The following CNTNAP5 variants were observed in gnomAD, a reference collection of about 807,000 sequenced individuals.
CNTNAP5 encodes the protein contactin-associated protein-like 5.
A neutral mutation model predicts 150.2 loss-of-function variants in CNTNAP5; 72 were observed. The observed-to-expected ratio is 0.48, with a 90% CI of 0.40 to 0.58. CNTNAP5 has a LOEUF of 0.58. Ranked by LOEUF, CNTNAP5 falls within the 20% of genes least tolerant of loss-of-function variation. CNTNAP5 has a pLI of 0.00. For missense variants in CNTNAP5, 1,636 were observed against 1,626.2 expected (o/e 1.01, Z -0.10); for synonymous variants, 672 against 619.8 (o/e 1.08, Z -1.25).
chr2:124,722,244 A>G (rs142132772), intron 13 of CNTNAP5, among the ~76,000 whole-genome samples: 3 of 152,122 alleles, frequency 2.0e-5, no homozygotes, highest in African/African-American at 7.2e-5. Flanking sequence ...CAACAGCTCA[A>G]AAGTCTTAAC....
In CNTNAP5 at chr2:124,902,994, T is replaced by C; in HGVS notation, c.3549T>C (p.His1183=). 1.9e-6 allele frequency: 3 copies of C among 1,612,604 alleles called. No individual in the cohort carries two copies. Among genetic ancestry groups the C allele is most frequent in the East Asian group, 2.2e-5 (1 of 44,624 alleles). ...HIAPLKAALR[H]ATVAPVTVHG... ...CACCACTGAAGGCTGCCCTGCGCCATGCCACTGTCGCGCCTGTGACTGTCC... is the reference window on the plus strand; with the variant it reads ...CACCACTGAAGGCTGCCCTGCGCCACGCCACTGTCGCGCCTGTGACTGTCC... Residue 1183 remains histidine, a synonymous_variant, in exon 22 of 24, where the codon CAT becomes CAC. Transcript: ENST00000682447.
intron 12 of CNTNAP5, among the ~76,000 whole-genome samples, chr2:124,626,467 A>G (rs1035293732): frequency 2.6e-5 from 4 of 152,122 alleles, no homozygotes; most frequent in Non-Finnish European, 5.9e-5. Flanking sequence ...TGGGAGCTGC[A>G]CTGAGTGGGT....
intron 3 of CNTNAP5, among the ~76,000 whole-genome samples, chr2:124,380,572 A>G (rs538423228): frequency 6.6e-6 from 1 of 152,292 alleles, no homozygotes; most frequent in East Asian, 1.9e-4. Context: ...AGCACATATC[A>G]TGTACTTTAG....
chr2:124,548,156 CTTTG>C lies in CNTNAP5; in HGVS notation c.1650-15055_1650-15052del, dbSNP rs568598004. ...GGAAGGAAGGATTTAGTGTTTTCCT[CTTTG>C]TTTGTGTTCTCCATAATCTCCATGT... On this transcript the variant is annotated intron_variant, in intron 10 of 23. Transcript: ENST00000682447. Among the ~76,000 whole-genome samples, 35 of 152,286 alleles carry C rather than the reference CTTTG, an allele frequency of 2.3e-4. No individual in the cohort carries two copies. The East Asian group carries it at 2.7e-3, about 12-fold the overall frequency.
intron 1 of CNTNAP5, among the ~76,000 whole-genome samples, chr2:124,125,861 CCCG>C (rs1683682829): frequency 1.3e-5 from 2 of 152,076 alleles, no homozygotes; most frequent in Non-Finnish European, 2.9e-5. Context: ...TTCTTTGAAA[CCCG>C]TGAGAAAAAA....
intron 1 of CNTNAP5, among the ~76,000 whole-genome samples, chr2:124,177,122 A>G (rs1233392305): frequency 1.3e-5 from 2 of 152,112 alleles, no homozygotes; most frequent in African/African-American, 2.4e-5. Context: ...TGATGGGACT[A>G]TAGGTGTGAA....
intron 1 of CNTNAP5, among the ~76,000 whole-genome samples, chr2:124,185,543 C>G (rs567739274): frequency 2.6e-5 from 4 of 152,270 alleles, no homozygotes; most frequent in African/African-American, 9.6e-5. Context: ...CCTGTCAAAC[C>G]ATACAGAGGT....
intron 3 of CNTNAP5, among the ~76,000 whole-genome samples, chr2:124,343,997 G>T (rs1376604487): frequency 6.6e-6 from 1 of 152,080 alleles, no homozygotes; most frequent in African/African-American, 2.4e-5. Flanking sequence ...ATCCCCATGA[G>T]AACTCATTCA....
At chr2:124,132,194 G>C (rs1377541844) in intron 1 of CNTNAP5, among the ~76,000 whole-genome samples, 2 of 152,144 alleles carry the variant, frequency 1.3e-5, no homozygotes, top group African/African-American at 4.8e-5. Context: ...GAAAGGTCTG[G>C]AGATCTGAGC....
intron 14 of CNTNAP5, among the ~76,000 whole-genome samples, chr2:124,761,987 T>C (rs1680966112): frequency 6.6e-6 from 1 of 152,018 alleles, no homozygotes; most frequent in African/African-American, 2.4e-5. Flanking sequence ...AAAATGGAAA[T>C]GGAGAGACAT....
At chr2:124,859,512 G>A (rs1677462938) in intron 19 of CNTNAP5, among the ~76,000 whole-genome samples, 1 of 152,170 alleles carries the variant, frequency 6.6e-6, no homozygotes, top group Non-Finnish European at 1.5e-5. Context: ...GATTCCTCAG[G>A]GATCTAGAAC....
At chr2:124,524,544 T>G in intron 9 of CNTNAP5, 92 bp downstream of exon 9, 1 of 1,247,310 alleles carries the variant, frequency 8.0e-7, no homozygotes, top group Non-Finnish European at 1.1e-6. Flanking sequence ...GTTTGGTCAA[T>G]TAGACAATTC....
intron 5 of CNTNAP5, among the ~76,000 whole-genome samples, chr2:124,445,128 G>T (rs1692781655): frequency 6.8e-6 from 1 of 147,184 alleles, no homozygotes; most frequent in Non-Finnish European, 1.5e-5. Context: ...CTTGTGGCCT[G>T]GCCCAGGCTG....
chr2:124,103,442 G>C (rs1683107816), intron 1 of CNTNAP5, among the ~76,000 whole-genome samples: 1 of 151,930 alleles, frequency 6.6e-6, no homozygotes, highest in African/African-American at 2.4e-5. Context: ...ATCACTCACT[G>C]AGTCACCGAG....
intron 19 of CNTNAP5, among the ~76,000 whole-genome samples, chr2:124,856,351 C>A (rs1451038786): frequency 2.7e-5 from 4 of 150,702 alleles, no homozygotes; most frequent in East Asian, 2.0e-4. Context: ...TGTGTAGATA[C>A]CCAGTAGTGG....
At chr2:124,528,181 G>T (rs960641375) in intron 10 of CNTNAP5, among the ~76,000 whole-genome samples, 1 of 152,172 alleles carries the variant, frequency 6.6e-6, no homozygotes, top group South Asian at 2.1e-4. Flanking sequence ...TATAGAATGG[G>T]TGAATAATAT....
chr2:124,659,137 G>T (rs1215757587), intron 13 of CNTNAP5, among the ~76,000 whole-genome samples: 1 of 152,218 alleles, frequency 6.6e-6, no homozygotes, highest in Non-Finnish European at 1.5e-5. Context: ...ATCATTGGAA[G>T]AATAAAAAGT....
chr2:124,868,570 C>A (rs935435626), intron 20 of CNTNAP5, among the ~76,000 whole-genome samples: 3 of 152,168 alleles, frequency 2.0e-5, no homozygotes, highest in African/African-American at 7.2e-5. Flanking sequence ...ACCCTACACC[C>A]CCCCTTATTC....
chr2:124,733,522 A>C (rs1197999189), intron 13 of CNTNAP5, among the ~76,000 whole-genome samples: 2 of 152,174 alleles, frequency 1.3e-5, no homozygotes, highest in Non-Finnish European at 2.9e-5. Flanking sequence ...GTTAGCAGAA[A>C]TTCAAACTAA....
Sources: allele counts gnomAD v4.1 joint callset (sites outside exome capture counted in the v4.1 genomes callset), GRCh38; gene constraint gnomAD v4.1.1; transcripts MANE v1.5; gene names NCBI Gene and HGNC (gene_info 2026-07-23, HGNC 2026-07-21).